BCL2: variants seen among roughly 807,000 people sequenced by gnomAD.
BCL2 encodes the protein apoptosis regulator Bcl-2.
BCL2 carries 1 observed loss-of-function variant against 14.2 expected under a neutral mutation model. That is an observed-to-expected ratio of 0.07 (90% CI 0.02 to 0.33). The LOEUF is 0.33. BCL2 is among the 10% of genes least tolerant of loss of function. BCL2 has a pLI of 0.99. For synonymous variants in BCL2, 151 were observed against 137.2 expected, an observed-to-expected ratio of 1.10 and a Z score of -0.70; for missense variants, 247 against 305.9, an observed-to-expected ratio of 0.81 and a Z score of 1.44.
intron 2 of BCL2, among the ~76,000 whole-genome samples, chr18:63,239,076 G>T (rs1045388886): frequency 2.6e-5 from 4 of 152,156 alleles, no homozygotes; most frequent in African/African-American, 9.7e-5. Context: ...CTGATTGGGG[G>T]TCCAATATTA....
At chr18:63,230,166 C>G (rs751104806) in intron 2 of BCL2, among the ~76,000 whole-genome samples, 2 of 151,960 alleles carry the variant, frequency 1.3e-5, no homozygotes, top group African/African-American at 2.4e-5. Flanking sequence ...TCATACAGAC[C>G]ACATTCTTCA....
chr18:63,151,489 GGGGGCGATAACAGATGA>G (rs938559268), intron 2 of BCL2, among the ~76,000 whole-genome samples: 1 of 141,404 alleles, frequency 7.1e-6, no homozygotes, highest in Admixed American at 7.1e-5. Context: ...ATAATAGATG[GGGGGCGATAACAGATGA>G]GGGGCTGGGG....
chr18:63,164,218 T>C (rs1343808196), intron 2 of BCL2, among the ~76,000 whole-genome samples: 1 of 152,180 alleles, frequency 6.6e-6, no homozygotes, highest in African/African-American at 2.4e-5. Flanking sequence ...AATAAGAGAT[T>C]TGAACCTCTG....
intron 2 of BCL2, among the ~76,000 whole-genome samples, chr18:63,146,631 T>TG (rs1209474380): frequency 3.3e-5 from 5 of 152,366 alleles, no homozygotes; most frequent in African/African-American, 1.2e-4. Flanking sequence ...TCTTTGTGTG[T>TG]TTTCACCTCT....
chr18:63,263,607 A>C (rs1203087169), intron 2 of BCL2, among the ~76,000 whole-genome samples: 1 of 152,158 alleles, frequency 6.6e-6, no homozygotes, highest in African/African-American at 2.4e-5. Context: ...TTTACTCTTC[A>C]CTGGAAGCAG....
At chr18:63,257,052 A>G (rs1007105141) in intron 2 of BCL2, among the ~76,000 whole-genome samples, 1 of 152,190 alleles carries the variant, frequency 6.6e-6, no homozygotes, top group African/African-American at 2.4e-5. Context: ...TTTGTTTTTC[A>G]TGTTAAATGT....
Position 63,228,501 on chromosome 18 carries a change from TTTTG to T in BCL2, c.585+89577_585+89580del, listed in dbSNP as rs567410325. ...ACTATACCACCTGACAAATTATATA[TTTTG>T]TTTGTTTATTATCTGTGATCTCCAA... On this transcript the variant is annotated intron_variant, in intron 2 of 2. Transcript: ENST00000333681. 4.9e-3 allele frequency among the ~76,000 whole-genome samples: 722 copies of T among 146,250 alleles called. 6 individuals carry two copies. Among genetic ancestry groups the T allele is most frequent in the African/African-American group, 0.017 (687 of 41,240 alleles).
intron 2 of BCL2, among the ~76,000 whole-genome samples, chr18:63,238,255 AAG>A (rs1910895679): frequency 6.6e-6 from 1 of 152,186 alleles, no homozygotes; most frequent in Non-Finnish European, 1.5e-5. Context: ...TGATCTTGCT[AAG>A]GCCTGTGAAC....
chr18:63,272,442 G>A (rs988433908), intron 2 of BCL2, among the ~76,000 whole-genome samples: 1 of 152,104 alleles, frequency 6.6e-6, no homozygotes, highest in African/African-American at 2.4e-5. Flanking sequence ...ATTCTGTAGT[G>A]CATAATGGTT....
intron 2 of BCL2, among the ~76,000 whole-genome samples, chr18:63,206,772 G>A (rs1341094939): frequency 6.6e-6 from 1 of 152,208 alleles, no homozygotes; most frequent in Non-Finnish European, 1.5e-5. Context: ...TGGTGTGGGT[G>A]GGAAGAGCAC....
rs764979303 is a variant in BCL2, at chr18:63,318,701, A to G, written c.-35T>C. 2 of 1,611,764 alleles carry G rather than the reference A, an allele frequency of 1.2e-6. No homozygotes were observed. The highest frequency in any genetic ancestry group is 1.7e-6 in the Non-Finnish European group (2 of 1,178,880). ...AGGAAAAGCAACGGGGGCCAACGGC[A>G]CCTCTCGCCCCAGCTCCCACCCCAC... On this transcript the variant is annotated 5_prime_UTR_variant, in exon 2 of 3. Coordinates refer to ENST00000333681, the MANE Select transcript of BCL2 (RefSeq NM_000633.3). This position sits in a 1 kb window ranked among gnomAD's most constrained non-coding sequence, Gnocchi z 7.4.
Position 63,172,509 on chromosome 18 carries a change from T to C in BCL2, c.586-43750A>G, listed in dbSNP as rs953169920. On this transcript the variant is annotated intron_variant, in intron 2 of 2. Coordinates refer to ENST00000333681, the MANE Select transcript of BCL2 (RefSeq NM_000633.3). ...TAAACAGTGAATTCCCGGCCGGGCG[T>C]GGTGGTTCACGCCTGTAATCCCAGC... Among the ~76,000 whole-genome samples, 3 of 152,048 alleles carry C rather than the reference T, an allele frequency of 2.0e-5. No homozygotes were observed. The East Asian group carries it at 5.8e-4, about 29-fold the overall frequency.
intron 2 of BCL2, among the ~76,000 whole-genome samples, chr18:63,175,780 A>G (rs955923483): frequency 6.6e-6 from 1 of 152,192 alleles, no homozygotes; most frequent in African/African-American, 2.4e-5. Flanking sequence ...TATTGGGACT[A>G]CTCAGGAGAC....
chr18:63,207,722 C>T (rs1909879468), intron 2 of BCL2: 1 of 152,130 alleles, frequency 6.6e-6, no homozygotes, highest in South Asian at 2.1e-4. Context: ...GGGGGAAGTC[C>T]CTGCGATATA....
At chr18:63,302,940 C>T (rs543521386) in intron 2 of BCL2, 12 of 945,044 alleles carry the variant, frequency 1.3e-5, no homozygotes, top group Admixed American at 1.2e-4. Context: ...TCCCTTGATA[C>T]GCCCTGGTTG....
At chr18:63,186,343 C>T (rs984339745) in intron 2 of BCL2, among the ~76,000 whole-genome samples, 13 of 152,192 alleles carry the variant, frequency 8.5e-5, no homozygotes, top group Non-Finnish European at 1.5e-5. Context: ...CTACAGGAAT[C>T]TCAGTTTTCA....
chr18:63,140,596 G>T (rs1054548715), intron 2 of BCL2, among the ~76,000 whole-genome samples: 4 of 152,196 alleles, frequency 2.6e-5, no homozygotes, highest in Non-Finnish European at 5.9e-5. Context: ...TCCAAAATAG[G>T]CAAGGCCATC....
At chr18:63,281,373 A>G (rs1036952956) in intron 2 of BCL2, among the ~76,000 whole-genome samples, 2 of 152,120 alleles carry the variant, frequency 1.3e-5, no homozygotes, top group African/African-American at 4.8e-5. Context: ...ATTAAAAAAT[A>G]CTAACAATAG....
intron 2 of BCL2, among the ~76,000 whole-genome samples, chr18:63,245,131 A>G (rs1911117809): frequency 6.6e-6 from 1 of 152,160 alleles, no homozygotes; most frequent in Admixed American, 6.5e-5. Flanking sequence ...AAATGTGCCA[A>G]ACGCTCCATA....
Sources: gnomAD v4.1 joint callset for allele counts (sites outside exome capture counted in the v4.1 genomes callset) on GRCh38, gnomAD v4.1.1 for gene constraint, Gnocchi (gnomAD v3.1) non-coding constraint, MANE v1.5 for transcripts, NCBI Gene and HGNC (gene_info 2026-07-23, HGNC 2026-07-21) for gene names.